Variants in SGK2 observed in about 807,000 individuals in gnomAD.
SGK2 encodes the protein serum/glucocorticoid regulated kinase 2, also known as serine/threonine-protein kinase Sgk2.
Under a neutral mutation model 47.5 loss-of-function variants are expected in SGK2, and 36 were observed. The ratio of observed to expected loss-of-function variants is 0.76; its 90% CI spans 0.58 to 1.00. The LOEUF is 1.00. SGK2 is among the 50% of genes least tolerant of loss of function. The pLI, the probability that SGK2 is intolerant of heterozygous loss-of-function variation, is 0.00. For missense variants in SGK2, 404 were observed against 467.4 expected, an observed-to-expected ratio of 0.86 and a Z score of 1.25; for synonymous variants, 157 against 181.9, an observed-to-expected ratio of 0.86 and a Z score of 1.10.
chr20:43,570,513 T>G, intron 6 of SGK2, 104 bp from the exon 7 acceptor site: 1 of 699,542 alleles, frequency 1.4e-6, no homozygotes, highest in Non-Finnish European at 2.5e-6. Flanking sequence ...ATGCTGCAGG[T>G]CAGAGAGGGA....
At position 43,567,717 on chromosome 20, in the gene SGK2, G is replaced by A. The variant is rs535471043; in HGVS notation, c.139G>A (p.Gly47Arg). The A allele has an allele frequency of 7.4e-6, 12 of 1,614,094 alleles. No homozygotes were observed. The highest frequency in any genetic ancestry group is 5.5e-5 in the South Asian group (5 of 91,082). The change falls in exon 4 of 13, where the codon GGG (glycine) becomes AGG (arginine). Residue 47 changes from glycine (G) to arginine (R), a missense_variant. By Grantham distance (125) the Gly-to-Arg change is moderately radical. Coordinates refer to ENST00000373100, the MANE Select transcript of SGK2 (RefSeq NM_170693.3). ...FLKVIGKGNY[G>R]KVLLAKRKSD... ...CAAAGTCATCGGCAAAGGGAACTACGGGAAGGTGAGTGACTTGGTGAGGGT... is the reference window on the plus strand; with the variant it reads ...CAAAGTCATCGGCAAAGGGAACTACAGGAAGGTGAGTGACTTGGTGAGGGT...
chr20:43,560,675 T>G (rs1358442631), intron 1 of SGK2, among the ~76,000 whole-genome samples: 1 of 152,196 alleles, frequency 6.6e-6, no homozygotes, highest in Non-Finnish European at 1.5e-5. Context: ...TGAAACTTGG[T>G]TTTTTGCTTG....
chr20:43,572,546 G>A lies in SGK2; in HGVS notation c.597+409G>A, dbSNP rs897883878. Among the ~76,000 whole-genome samples, 3 of 152,062 alleles carry A rather than the reference G, an allele frequency of 2.0e-5. No individual in the cohort carries two copies. The highest frequency in any genetic ancestry group is 6.5e-5 in the Admixed American group (1 of 15,270). On this transcript the variant is annotated intron_variant, in intron 9 of 12. Transcript: ENST00000373100. The surrounding 1 kb of genome is among the most constrained non-coding windows in gnomAD (Gnocchi z 4.2). ...CAAAAAATTAGCTGGGCACGGTGAC[G>A]GGCACCTATAGTCCCAGCTACTCGG... is the stretch of plus-strand genomic sequence containing the variant.
At chr20:43,569,763 C>G (rs1979983623) in intron 6 of SGK2, 3 of 471,978 alleles carry the variant, frequency 6.4e-6, no homozygotes, top group Non-Finnish European at 1.2e-5. Context: ...TTCTTGCCTT[C>G]CTCATTCAGA....
At chr20:43,578,004 AAT>A (rs1219027477) in intron 11 of SGK2, among the ~76,000 whole-genome samples, 1 of 152,184 alleles carries the variant, frequency 6.6e-6, no homozygotes, top group African/African-American at 2.4e-5. Context: ...AGGCTGGGCA[AAT>A]GGGATATAGG....
At chr20:43,562,863 T>C (rs950303690) in intron 1 of SGK2, among the ~76,000 whole-genome samples, 2 of 152,128 alleles carry the variant, frequency 1.3e-5, no homozygotes, top group African/African-American at 2.4e-5. Context: ...CTGGGCGCAG[T>C]GGCTCACGCC....
intron 6 of SGK2, 36 bp downstream of exon 6, chr20:43,569,552 C>T (rs369946913): frequency 3.1e-6 from 5 of 1,606,912 alleles, no homozygotes; most frequent in South Asian, 1.1e-5. Context: ...CCTGGGCTGG[C>T]TCTCGGCTGG....
chr20:43,573,343 G>T (rs1980262231), intron 9 of SGK2, among the ~76,000 whole-genome samples: 1 of 152,128 alleles, frequency 6.6e-6, no homozygotes, highest in African/African-American at 2.4e-5. Flanking sequence ...ACAAAAATTA[G>T]CCAGGTGTGC....
At chr20:43,567,809 A>G (rs1304666155) in intron 4 of SGK2, 87 bp downstream of exon 4, 2 of 1,559,336 alleles carry the variant, frequency 1.3e-6, no homozygotes, top group East Asian at 4.5e-5. Context: ...GTATGAAGAG[A>G]GAGCACTCGC....
intron 8 of SGK2, 88 bp from the exon 9 acceptor site, chr20:43,571,963 G>C: frequency 1.2e-6 from 1 of 869,312 alleles, no homozygotes; most frequent in Non-Finnish European, 1.9e-6. Flanking sequence ...CTGCTGCCCT[G>C]GGGTGTGGCA....
intron 6 of SGK2, 144 bp from the exon 7 acceptor site, chr20:43,570,473 G>T: frequency 1.7e-6 from 1 of 579,308 alleles, no homozygotes. Context: ...TGTGGGGCAG[G>T]GGCCAGCATG....
rs139405542 is a variant in SGK2, at chr20:43,566,444, C to G, written c.-23-29C>G. The G allele has an allele frequency of 1.6e-5, 26 of 1,614,148 alleles. No homozygotes were observed. In the South Asian group the frequency reaches 2.5e-4, roughly 16 times the overall value. ...GAGCTGACCCCCCAACACCAACTCT[C>G]TCATGCCTGCTCCTCCCTGTCCCCC... is the stretch of plus-strand genomic sequence containing the variant. On this transcript the variant is annotated intron_variant, in intron 1 of 12. Transcript: ENST00000373100.
intron 12 of SGK2, chr20:43,583,734 C>T (rs912560327): frequency 9.6e-6 from 4 of 415,416 alleles, no homozygotes; most frequent in Non-Finnish European, 9.7e-6. Flanking sequence ...TTTATGAGGC[C>T]GAGCTATTAG....
intron 2 of SGK2, 152 bp from the exon 3 acceptor site, chr20:43,566,916 G>GACGA: frequency 3.5e-6 from 2 of 577,994 alleles, no homozygotes; most frequent in Non-Finnish European, 3.1e-6. Flanking sequence ...GGGAGGGAGG[G>GACGA]AGGCGGGCAG....
intron 11 of SGK2, among the ~76,000 whole-genome samples, chr20:43,577,278 C>T (rs1407024158): frequency 6.6e-6 from 1 of 151,316 alleles, no homozygotes; most frequent in Non-Finnish European, 1.5e-5. Context: ...AGAGGTCTGG[C>T]ATGACCTGAT....
chr20:43,560,976 G>T (rs1212578112), intron 1 of SGK2, among the ~76,000 whole-genome samples: 1 of 152,226 alleles, frequency 6.6e-6, no homozygotes, highest in Non-Finnish European at 1.5e-5. Flanking sequence ...AAAATATAAA[G>T]TAGACAAAAT....
intron 12 of SGK2, chr20:43,583,334 T>C (rs1237324024): frequency 7.8e-7 from 1 of 1,280,388 alleles, no homozygotes; most frequent in Non-Finnish European, 1.0e-6. Flanking sequence ...ACTCCGGAGC[T>C]GGATTCCTGG....
intron 12 of SGK2, among the ~76,000 whole-genome samples, chr20:43,581,809 G>A (rs1420842309): frequency 6.6e-6 from 1 of 152,112 alleles, no homozygotes; most frequent in Non-Finnish European, 1.5e-5. Context: ...GATTACAGGC[G>A]TGAGCCACCG....
At chr20:43,576,669 G>A (rs1368613549) in intron 11 of SGK2, among the ~76,000 whole-genome samples, 8 of 152,240 alleles carry the variant, frequency 5.3e-5, no homozygotes, top group African/African-American at 1.7e-4. Flanking sequence ...GGCCGGGTGC[G>A]GCATACACGC....
Sources: gnomAD v4.1 joint callset for allele counts (sites outside exome capture counted in the v4.1 genomes callset) on GRCh38, gnomAD v4.1.1 for gene constraint, Gnocchi (gnomAD v3.1) non-coding constraint, MANE v1.5 for transcripts, NCBI Gene and HGNC (gene_info 2026-07-23, HGNC 2026-07-21) for gene names.